The following RAD52 variants were observed in gnomAD, a reference collection of about 807,000 sequenced individuals.
RAD52 encodes the protein RAD52 DNA repair protein, also known as DNA repair protein RAD52 homolog.
A neutral mutation model predicts 55.5 loss-of-function variants in RAD52; 47 were observed. The observed-to-expected ratio is 0.85, with a 90% CI of 0.67 to 1.08. The LOEUF (loss-of-function observed/expected upper bound fraction) is 1.08. Among genes scored for constraint, RAD52 ranks in the 50% least tolerant of loss-of-function variants. The pLI is 0.00. For synonymous variants in RAD52, 184 were observed against 198.9 expected (o/e 0.92, Z 0.63); for missense variants, 468 against 522.8 (o/e 0.90, Z 1.02).
intron 1 of RAD52, among the ~76,000 whole-genome samples, chr12:955,778 GTTTTT>G (rs918829399): frequency 6.7e-6 from 1 of 149,836 alleles, no homozygotes; most frequent in Non-Finnish European, 1.5e-5. Flanking sequence ...GGGCATTTTT[GTTTTT>G]TTTGTTTTTT....
chr12:931,153 G>A, intron 3 of RAD52, 67 bp downstream of exon 3: 1 of 1,305,588 alleles, frequency 7.7e-7, no homozygotes, highest in Non-Finnish European at 1.1e-6. Context: ...ACCCAGAGAG[G>A]GAACTGGCAA....
At chr12:950,495 CCGG>C (rs1958499270), upstream of RAD52, among the ~76,000 whole-genome samples, 1 of 148,416 alleles carries the variant, frequency 6.7e-6, no homozygotes, top group Non-Finnish European at 1.5e-5. Context: ...GGCGTGAACC[CCGG>C]GGGACGGAGC....
At chr12:972,783 A>T (rs1055665453) in intron 1 of RAD52, among the ~76,000 whole-genome samples, 2 of 150,782 alleles carry the variant, frequency 1.3e-5, no homozygotes, top group Admixed American at 6.6e-5. Context: ...AAAAAAAAAA[A>T]AAAAAGGGCC....
At chr12:983,700 A>G (rs561785213) in intron 1 of RAD52, among the ~76,000 whole-genome samples, 1 of 152,242 alleles carries the variant, frequency 6.6e-6, no homozygotes, top group South Asian at 2.1e-4. Context: ...GATTACAGGC[A>G]TGAGCCACCG....
intron 3 of RAD52, 53 bp downstream of exon 3, chr12:931,167 C>T: frequency 6.9e-7 from 1 of 1,444,302 alleles, no homozygotes; most frequent in East Asian, 2.3e-5. Flanking sequence ...CTGGCAAGAC[C>T]ATCGGAGTCT....
chr12:961,539 AAGG>A (rs1242293843), intron 1 of RAD52, among the ~76,000 whole-genome samples: 1 of 151,810 alleles, frequency 6.6e-6, no homozygotes, highest in South Asian at 2.1e-4. Flanking sequence ...GGTGTCCTTA[AAGG>A]AGGAGGAAAT....
chr12:982,767 G>A (rs1959035554), intron 1 of RAD52, among the ~76,000 whole-genome samples: 1 of 147,242 alleles, frequency 6.8e-6, no homozygotes, highest in South Asian at 2.1e-4. Context: ...CCAGGCTCAA[G>A]TGATCTTCCC....
intron 7 of RAD52, 27 bp downstream of exon 7, chr12:925,423 C>G: frequency 2.5e-6 from 4 of 1,588,824 alleles, no homozygotes; most frequent in Non-Finnish European, 3.5e-6. Flanking sequence ...GCATTATCTT[C>G]ACTCCACTCA....
chr12:974,865 G>A (rs1413427362), intron 1 of RAD52: 1 of 152,048 alleles, frequency 6.6e-6, no homozygotes, highest in African/African-American at 2.4e-5. Context: ...ATGAACCTAG[G>A]CAGTCTTCCT....
intron 4 of RAD52, 46 bp from the exon 5 acceptor site, chr12:929,932 G>A: frequency 6.3e-7 from 1 of 1,585,482 alleles, no homozygotes; most frequent in Non-Finnish European, 8.7e-7. Context: ...CTGACCGCTG[G>A]GCCACAACCA....
At position 966,504 on chromosome 12, in the gene RAD52, G is replaced by A. The variant is rs554296788; in HGVS notation, c.-19+23305C>T. ...ATGCCACCTCCATTTTTTTATATGA[G>A]AAAAGATAACTTGTTTAAGCCGTTA... On this transcript the variant is annotated intron_variant, in intron 1 of 11. Transcript: ENST00000430095. Among the ~76,000 whole-genome samples the A allele has an allele frequency of 5.3e-5, 8 of 152,092 alleles. No individual in the cohort carries two copies. In the South Asian group the frequency reaches 1.4e-3, roughly 28 times the overall value.
chr12:928,844 T>C (rs1238599353), intron 5 of RAD52, among the ~76,000 whole-genome samples: 2 of 152,138 alleles, frequency 1.3e-5, no homozygotes, highest in South Asian at 2.1e-4. Flanking sequence ...AAATTTTTAT[T>C]TTTATACACA....
intron 1 of RAD52, among the ~76,000 whole-genome samples, chr12:969,750 A>G (rs917328957): frequency 2.0e-5 from 3 of 151,650 alleles, no homozygotes; most frequent in Non-Finnish European, 4.4e-5. Context: ...TGATCACACC[A>G]CTGCACTCCA....
chr12:941,210 G>A (rs569226699), intron 1 of RAD52, among the ~76,000 whole-genome samples: 2 of 152,294 alleles, frequency 1.3e-5, no homozygotes, highest in African/African-American at 4.8e-5. Flanking sequence ...AGTAATGAAT[G>A]ATGCAAATGA....
chr12:921,875 G>T (rs915023632), intron 7 of RAD52, among the ~76,000 whole-genome samples: 1 of 151,934 alleles, frequency 6.6e-6, no homozygotes, highest in African/African-American at 2.4e-5. Flanking sequence ...GGAGGCCAAG[G>T]CGGGCGGATC....
At chr12:920,494 C>T (rs1226821552) in intron 7 of RAD52, among the ~76,000 whole-genome samples, 6 of 149,540 alleles carry the variant, frequency 4.0e-5, no homozygotes, top group South Asian at 2.1e-4. Context: ...GAGGCAGAGC[C>T]TGCAGTGAGC....
At chr12:920,357 C>A (rs1956653117) in intron 7 of RAD52, among the ~76,000 whole-genome samples, 1 of 116,968 alleles carries the variant, frequency 8.5e-6, no homozygotes, top group Admixed American at 8.4e-5. Flanking sequence ...GATATCGAGA[C>A]CATCCTGGCT....
intron 7 of RAD52, among the ~76,000 whole-genome samples, chr12:925,117 A>AT (rs1386999000): frequency 6.6e-6 from 1 of 151,674 alleles, no homozygotes; most frequent in Admixed American, 6.6e-5. Context: ...CGCCCGGCTA[A>AT]TTTTTTGTAT....
chr12:916,532 GC>G, intron 8 of RAD52, 49 bp from the exon 9 acceptor site: 1 of 1,605,558 alleles, frequency 6.2e-7, no homozygotes, highest in Non-Finnish European at 8.5e-7. Context: ...AACAGCCGCG[GC>G]TGCTGGGAGG....
Sources: gnomAD v4.1 joint callset for allele counts (sites outside exome capture counted in the v4.1 genomes callset) on GRCh38, gnomAD v4.1.1 for gene constraint, MANE v1.5 for transcripts, NCBI Gene and HGNC (gene_info 2026-07-23, HGNC 2026-07-21) for gene names.